Variants in MCTP2 observed in about 807,000 individuals in gnomAD.
The protein encoded by MCTP2 is multiple C2 and transmembrane domain-containing protein 2.
MCTP2 carries 132 observed loss-of-function variants against 111.6 expected under a neutral mutation model. The ratio of observed to expected loss-of-function variants is 1.18; its 90% CI spans 1.03 to 1.37. The LOEUF (loss-of-function observed/expected upper bound fraction) is 1.37, where lower values mean the gene tolerates loss of function less well. Ranked by LOEUF, MCTP2 falls within the 40% of genes most tolerant of loss-of-function variation. MCTP2 has a pLI of 0.00. For missense variants in MCTP2, 1,183 were observed against 1,067.9 expected (o/e 1.11, Z -1.50); for synonymous variants, 395 against 387.7 (o/e 1.02, Z -0.22).
chr15:94,388,182 A>G (rs970259407), intron 14 of MCTP2, among the ~76,000 whole-genome samples: 1 of 152,220 alleles, frequency 6.6e-6, no homozygotes, highest in Non-Finnish European at 1.5e-5. Context: ...TGTTTCTAAT[A>G]TAAAAGTGCT....
intron 1 of MCTP2, among the ~76,000 whole-genome samples, chr15:94,249,491 T>G (rs2072252115): frequency 6.6e-6 from 1 of 151,198 alleles, no homozygotes; most frequent in Non-Finnish European, 1.5e-5. Flanking sequence ...TCAGAATCTT[T>G]TTTTTTTTTT....
chr15:94,311,212 A>G (rs2076121048), intron 2 of MCTP2, among the ~76,000 whole-genome samples: 1 of 151,272 alleles, frequency 6.6e-6, no homozygotes, highest in Non-Finnish European at 1.5e-5. Flanking sequence ...TTTATTAGAG[A>G]TGGGGGGGTT....
At chr15:94,347,829 G>T (rs1039995335) in intron 8 of MCTP2, among the ~76,000 whole-genome samples, 1 of 151,880 alleles carries the variant, frequency 6.6e-6, no homozygotes, top group Non-Finnish European at 1.5e-5. Context: ...ATAAAAAATG[G>T]CTTTGACAAA....
At chr15:94,362,438 C>T (rs1377250701) in intron 10 of MCTP2, among the ~76,000 whole-genome samples, 1 of 152,178 alleles carries the variant, frequency 6.6e-6, no homozygotes, top group Non-Finnish European at 1.5e-5. Context: ...TTGGACTAGC[C>T]TGCCTCAGAG....
intron 1 of MCTP2, among the ~76,000 whole-genome samples, chr15:94,275,239 A>G (rs1298768095): frequency 2.0e-5 from 3 of 152,188 alleles, no homozygotes; most frequent in Non-Finnish European, 4.4e-5. Flanking sequence ...GAGAGTGTTT[A>G]CAACTGAAGG....
chr15:94,472,946 T>G (rs2074049162), intron 21 of MCTP2, among the ~76,000 whole-genome samples: 1 of 152,210 alleles, frequency 6.6e-6, no homozygotes, highest in African/African-American at 2.4e-5. Context: ...TGTCTTAAAG[T>G]TTTAGTGGTT....
At chr15:94,398,854 T>A in intron 14 of MCTP2, 107 bp from the exon 15 acceptor site, 1 of 643,282 alleles carries the variant, frequency 1.6e-6, no homozygotes, top group Non-Finnish European at 2.8e-6. Flanking sequence ...TTGCTTCACC[T>A]GTGATCATTG....
chr15:94,384,063 C>A lies in MCTP2; in HGVS notation c.1624C>A (p.Arg542=). 1 of 1,613,864 alleles carries A rather than the reference C, an allele frequency of 6.2e-7. No homozygotes were observed. The highest frequency in any genetic ancestry group is 1.3e-5 in the African/African-American group (1 of 75,022). The change falls in exon 13 of 23, where the codon CGA becomes AGA. Residue 542 remains arginine, a synonymous_variant. Coordinates refer to ENST00000357742, the MANE Select transcript of MCTP2 (RefSeq NM_001385001.1). ...TTGCTTGTTGGAGTTAGGCAATGACCGACTTCAGACGCATACCGTCTACAA... is the reference window on the plus strand; with the variant it reads ...TTGCTTGTTGGAGTTAGGCAATGACAGACTTCAGACGCATACCGTCTACAA... ...PFCLLELGND[R]LQTHTVYKNL...
At chr15:94,436,783 T>C (rs1391567584) in intron 17 of MCTP2, among the ~76,000 whole-genome samples, 1 of 152,080 alleles carries the variant, frequency 6.6e-6, no homozygotes, top group Non-Finnish European at 1.5e-5. Flanking sequence ...ATTTAGTAAT[T>C]TAAAATAATA....
intron 1 of MCTP2, among the ~76,000 whole-genome samples, chr15:94,252,424 T>G (rs1170741276): frequency 1.3e-5 from 2 of 152,204 alleles, no homozygotes; most frequent in African/African-American, 4.8e-5. Context: ...ACATGACCTT[T>G]TGAATTGTCA....
At chr15:94,413,986 T>C (rs2082265968) in intron 17 of MCTP2, among the ~76,000 whole-genome samples, 2 of 152,206 alleles carry the variant, frequency 1.3e-5, no homozygotes. Flanking sequence ...AGGATAAAAC[T>C]AATTTTCAAC....
chr15:94,437,286 G>A (rs8026075), intron 17 of MCTP2, among the ~76,000 whole-genome samples: 69,691 of 151,406 alleles, frequency 0.46, 16,654 homozygotes, highest in African/African-American at 0.59. Context: ...ACAAAAGAAT[G>A]TATTTGCAGT....
At chr15:94,336,089 T>C (rs747266094) in intron 4 of MCTP2, among the ~76,000 whole-genome samples, 4 of 152,258 alleles carry the variant, frequency 2.6e-5, no homozygotes, top group Non-Finnish European at 5.9e-5. Flanking sequence ...CCGACTCATC[T>C]GTTTTTTACA....
intron 20 of MCTP2, among the ~76,000 whole-genome samples, chr15:94,462,145 C>T (rs556944535): frequency 1.2e-4 from 18 of 152,288 alleles, no homozygotes; most frequent in Middle Eastern, 3.4e-3. Flanking sequence ...GACACAAGGT[C>T]AGTGCAGTGG....
rs1345396713 is a variant in MCTP2, at chr15:94,414,245, C to A, written c.2085+12226C>A. Reference sequence around the variant, plus strand: ...AACCAGTAATGTCTTATATGCTGTACCCTTGGATCCAGAATTTTTTTTATG... The same window carrying A: ...AACCAGTAATGTCTTATATGCTGTAACCTTGGATCCAGAATTTTTTTTATG... On this transcript the variant is annotated intron_variant, in intron 17 of 22. Transcript: ENST00000357742. 2.6e-5 allele frequency among the ~76,000 whole-genome samples: 4 copies of A among 152,022 alleles called. No homozygotes were observed. The South Asian group carries it at 8.3e-4, about 32-fold the overall frequency.
At chr15:94,463,932 T>C (rs935539697) in intron 20 of MCTP2, among the ~76,000 whole-genome samples, 9 of 152,024 alleles carry the variant, frequency 5.9e-5, no homozygotes, top group Non-Finnish European at 1.2e-4. Context: ...AACCCAACAT[T>C]ATTGTTCTAC....
At chr15:94,386,651 T>C (rs1043965850) in intron 14 of MCTP2, among the ~76,000 whole-genome samples, 15 of 152,162 alleles carry the variant, frequency 9.9e-5, no homozygotes, top group African/African-American at 3.6e-4. Context: ...CCTTTTTTTT[T>C]CATTACAACT....
At chr15:94,233,981 G>A (rs2070368119) in intron 1 of MCTP2, among the ~76,000 whole-genome samples, 1 of 152,158 alleles carries the variant, frequency 6.6e-6, no homozygotes, top group African/African-American at 2.4e-5. Context: ...CTTTGCCCGT[G>A]AAGCGAGGAT....
At chr15:94,234,436 C>A (rs2070399958) in intron 1 of MCTP2, among the ~76,000 whole-genome samples, 1 of 152,200 alleles carries the variant, frequency 6.6e-6, no homozygotes. Flanking sequence ...GGCTTCCCCT[C>A]TCCCTGAGAA....
Sources: gnomAD v4.1 joint callset for allele counts (sites outside exome capture counted in the v4.1 genomes callset) on GRCh38, gnomAD v4.1.1 for gene constraint, MANE v1.5 for transcripts, NCBI Gene and HGNC (gene_info 2026-07-23, HGNC 2026-07-21) for gene names.